Variants in GSE1 observed in about 807,000 individuals in gnomAD.
GSE1 encodes the protein genetic suppressor element 1.
GSE1 carries 32 observed loss-of-function variants against 112.6 expected under a neutral mutation model. The observed-to-expected ratio is 0.28, with a 90% CI of 0.21 to 0.38. The LOEUF is 0.38. GSE1 is among the 10% of genes least tolerant of loss of function. GSE1 has a pLI of 1.00. For synonymous variants in GSE1, 1,115 were observed against 735.6 expected, an observed-to-expected ratio of 1.52 and a Z score of -8.35; for missense variants, 2,348 against 1,699.2, an observed-to-expected ratio of 1.38 and a Z score of -6.71.
At chr16:85,649,229 T>C (rs2051131917) in intron 3 of GSE1, among the ~76,000 whole-genome samples, 1 of 152,134 alleles carries the variant, frequency 6.6e-6, no homozygotes, top group South Asian at 2.1e-4. Flanking sequence ...AGACCGTGTC[T>C]CCAAATGCAG....
chr16:85,263,882 A>G (rs763046149), intron 1 of GSE1, among the ~76,000 whole-genome samples: 4 of 151,934 alleles, frequency 2.6e-5, no homozygotes, highest in Admixed American at 6.6e-5. Flanking sequence ...CACTTTTTCT[A>G]TTTTGTATTC....
intron 1 of GSE1, among the ~76,000 whole-genome samples, chr16:85,622,114 A>G (rs2048778422): frequency 6.6e-6 from 1 of 152,234 alleles, no homozygotes; most frequent in Non-Finnish European, 1.5e-5. Flanking sequence ...AGCAGTTGAC[A>G]GGATGATTGT....
intron 1 of GSE1, among the ~76,000 whole-genome samples, chr16:85,561,465 C>T (rs1161688364): frequency 6.6e-6 from 1 of 152,140 alleles, no homozygotes; most frequent in African/African-American, 2.4e-5. Context: ...AGGACTGACT[C>T]CTCAGCCATC....
intron 2 of GSE1, among the ~76,000 whole-genome samples, chr16:85,382,201 C>CAGGCAG (rs1567724019): frequency 6.6e-6 from 1 of 152,144 alleles, no homozygotes; most frequent in Admixed American, 6.5e-5. Context: ...AGGCGGCCCT[C>CAGGCAG]GATGGCTCAT....
At chr16:85,307,894 T>A (rs543270428) in intron 1 of GSE1, among the ~76,000 whole-genome samples, 1 of 152,342 alleles carries the variant, frequency 6.6e-6, no homozygotes, top group East Asian at 1.9e-4. Context: ...AAGGTCAGAC[T>A]TTCTGTGAGT....
chr16:85,403,095 G>GT (rs956860110), intron 2 of GSE1, among the ~76,000 whole-genome samples: 29 of 151,808 alleles, frequency 1.9e-4, no homozygotes, highest in East Asian at 7.8e-4. Context: ...GGTTGCTGGG[G>GT]GGGGACTCAG....
intron 2 of GSE1, among the ~76,000 whole-genome samples, chr16:85,439,534 TCACACACACA>T (rs66487058): frequency 6.7e-6 from 1 of 149,880 alleles, no homozygotes; most frequent in Non-Finnish European, 1.5e-5. Flanking sequence ...ACACGGTCTG[TCACACACACA>T]CACACACACA....
upstream of GSE1, among the ~76,000 whole-genome samples, chr16:85,612,046 C>T (rs2048019041): frequency 6.6e-6 from 1 of 151,956 alleles, no homozygotes; most frequent in Non-Finnish European, 1.5e-5. Flanking sequence ...CCCCAGGGCT[C>T]AGAAGTAGGG....
chr16:85,391,130 A>G (rs1280528847), intron 2 of GSE1, among the ~76,000 whole-genome samples: 2 of 152,108 alleles, frequency 1.3e-5, no homozygotes, highest in Non-Finnish European at 2.9e-5. Context: ...CCTCCAAGAG[A>G]GGGCTAGGAT....
chr16:85,607,364 C>T (rs988649473), upstream of GSE1, among the ~76,000 whole-genome samples: 29 of 152,352 alleles, frequency 1.9e-4, no homozygotes, highest in South Asian at 4.1e-4. Context: ...CTCCCTCTCC[C>T]GCCCGCTTTC....
intron 2 of GSE1, among the ~76,000 whole-genome samples, chr16:85,422,182 G>C (rs1414143835): frequency 6.6e-6 from 1 of 152,048 alleles, no homozygotes; most frequent in Admixed American, 6.5e-5. Context: ...CTGGTCCCTG[G>C]CTGGGCTGCA....
intron 2 of GSE1, among the ~76,000 whole-genome samples, chr16:85,391,609 T>TC (rs1487532197): frequency 6.6e-6 from 1 of 152,190 alleles, no homozygotes; most frequent in Non-Finnish European, 1.5e-5. Context: ...CCAATTCCCC[T>TC]CTTTTTATAA....
chr16:85,641,843 G>A (rs970639139), intron 2 of GSE1, among the ~76,000 whole-genome samples: 13 of 152,342 alleles, frequency 8.5e-5, no homozygotes, highest in South Asian at 8.3e-4. Flanking sequence ...TGTGGCTCCC[G>A]TGGGCCTCCT....
rs2047104762 is a variant in GSE1 at position 85,362,600 on chromosome 16, A to T, written c.2464+4957A>T. Among the ~76,000 whole-genome samples the T allele has an allele frequency of 2.0e-5, 3 of 152,212 alleles. No homozygotes were observed. The South Asian group carries it at 6.2e-4, about 31-fold the overall frequency. On this transcript the variant is annotated intron_variant, in intron 2 of 2. Coordinates refer to the GSE1 transcript ENST00000637419. ...TCCTTCTGGTAGCGTGGTGTCAGTG[A>T]CATTGGATGAACATTGAGAAGGCAC...
At chr16:85,343,020 G>T (rs2046657678) in intron 1 of GSE1, among the ~76,000 whole-genome samples, 2 of 152,038 alleles carry the variant, frequency 1.3e-5, no homozygotes, top group African/African-American at 2.4e-5. Context: ...TGTGGAGAAG[G>T]CCTGGGGGTG....
rs760397857 is a variant in GSE1 at position 85,526,538 on chromosome 16, G to T, written c.2465-107376G>T. 1.2e-4 allele frequency among the ~76,000 whole-genome samples: 18 copies of T among 152,364 alleles called. No homozygotes were observed. The Middle Eastern group carries it at 0.01, about 86-fold the overall frequency. On this transcript the variant is annotated intron_variant, in intron 2 of 2. Transcript: ENST00000637419. ...AAGGCAGCGGCTGCCTGGGAGCAAG[G>T]CTGGGTCAGCCGGGCAGGCCAAAGG...
Position 85,246,490 on chromosome 16 carries a change from C to T in GSE1, c.2283+74683C>T, listed in dbSNP as rs1905824701. On this transcript the variant is annotated intron_variant, in intron 1 of 2. Coordinates refer to the GSE1 transcript ENST00000637419. ...CACGCTGCACACACACACACACACA[C>T]ACTCTACACACCCCCCCCCCCCCGA... Among the ~76,000 whole-genome samples the T allele has an allele frequency of 1.7e-5, 2 of 115,762 alleles. 1 individual carries two copies. Among genetic ancestry groups the T allele is most frequent in the Non-Finnish European group, 3.9e-5 (2 of 51,020 alleles). The allele number at this position is 115,762 out of a possible 152,430, so 75.9% of individuals were successfully genotyped here.
At chr16:85,614,833 G>C (rs1005206546) in intron 1 of GSE1, among the ~76,000 whole-genome samples, 1 of 152,236 alleles carries the variant, frequency 6.6e-6, no homozygotes, top group Non-Finnish European at 1.5e-5. Flanking sequence ...ACAAAAAGCG[G>C]GGCCACCAAA....
chr16:85,613,300 A>C, upstream of GSE1: 1 of 1,539,726 alleles, frequency 6.5e-7, no homozygotes, highest in Non-Finnish European at 8.8e-7. Context: ...GCCGCCGCCG[A>C]GCAGCCCCGG....
Sources: gnomAD v4.1 joint callset for allele counts (sites outside exome capture counted in the v4.1 genomes callset) on GRCh38, gnomAD v4.1.1 for gene constraint, MANE v1.5 for transcripts, NCBI Gene and HGNC (gene_info 2026-07-23, HGNC 2026-07-21) for gene names.